The following HTR1F variants were observed in gnomAD, a reference collection of about 807,000 sequenced individuals.
The protein encoded by HTR1F is 5-hydroxytryptamine (serotonin) receptor 1F, G protein-coupled.
Under a neutral mutation model 24.0 loss-of-function variants are expected in HTR1F, and 17 were observed. The observed-to-expected ratio is 0.71, with a 90% CI of 0.48 to 1.06. The LOEUF is 1.06. HTR1F is among the 50% of genes least tolerant of loss of function. The pLI is 0.00. For synonymous variants in HTR1F, 186 were observed against 156.8 expected, an observed-to-expected ratio of 1.19 and a Z score of -1.39; for missense variants, 391 against 427.8, an observed-to-expected ratio of 0.91 and a Z score of 0.76.
intron 2 of HTR1F, among the ~76,000 whole-genome samples, chr3:87,942,165 C>A (rs565984646): frequency 8.1e-4 from 124 of 152,210 alleles, no homozygotes; most frequent in African/African-American, 2.8e-3. Flanking sequence ...TGTATTATGG[C>A]CCCTGCTTTT....
chr3:87,959,627 G>A (rs1384602420), intron 2 of HTR1F, among the ~76,000 whole-genome samples: 2 of 151,860 alleles, frequency 1.3e-5, no homozygotes, highest in African/African-American at 4.8e-5. Context: ...ATATCAGAGA[G>A]ACAAATATGA....
At chr3:87,794,194 C>A (rs1302467691) in intron 1 of HTR1F, among the ~76,000 whole-genome samples, 1 of 152,132 alleles carries the variant, frequency 6.6e-6, no homozygotes, top group Non-Finnish European at 1.5e-5. Context: ...CACGCAGAAG[C>A]AAACCCGAGG....
intron 2 of HTR1F, among the ~76,000 whole-genome samples, chr3:87,944,067 T>C (rs1576070586): frequency 6.6e-6 from 1 of 152,154 alleles, no homozygotes; most frequent in Non-Finnish European, 1.5e-5. Flanking sequence ...CTTATCAGAT[T>C]AGTTATGCTC....
At chr3:87,852,708 AT>A (rs1204698685) in intron 2 of HTR1F, among the ~76,000 whole-genome samples, 1 of 151,764 alleles carries the variant, frequency 6.6e-6, no homozygotes, top group African/African-American at 2.4e-5. Context: ...TGTTTTTAAT[AT>A]GGGCTATTTG....
chr3:87,812,576 T>A (rs1004496463), intron 1 of HTR1F, among the ~76,000 whole-genome samples: 1 of 152,208 alleles, frequency 6.6e-6, no homozygotes, highest in Admixed American at 6.5e-5. Flanking sequence ...TTTCTGAGAA[T>A]AATTTCAACC....
rs752244710 is a variant in HTR1F, at chr3:87,839,744, G to T, written c.-43+17620G>T. Among the ~76,000 whole-genome samples, 81 of 152,086 alleles carry T rather than the reference G, an allele frequency of 5.3e-4. 1 individual carries two copies. The highest frequency in any genetic ancestry group is 3.4e-3 in the Middle Eastern group (1 of 294). On this transcript the variant is annotated intron_variant, in intron 2 of 2. Coordinates refer to ENST00000319595, the MANE Select transcript of HTR1F (RefSeq NM_001322209.2). ...CAGGTAGTTAGCATAGTAACCAATA[G>T]GTAGTTTTTTTCAACTCTCCCCCAT...
chr3:87,888,455 C>G (rs545952226), intron 2 of HTR1F, among the ~76,000 whole-genome samples: 1 of 151,692 alleles, frequency 6.6e-6, no homozygotes, highest in East Asian at 1.9e-4. Flanking sequence ...TACCCTAGAA[C>G]TTAAAGTATA....
At chr3:87,980,831 G>A (rs551406814) in intron 2 of HTR1F, among the ~76,000 whole-genome samples, 12 of 152,312 alleles carry the variant, frequency 7.9e-5, no homozygotes, top group Middle Eastern at 3.4e-3. Flanking sequence ...ACTCGGGCTC[G>A]GCTTCAACTT....
rs191093250 is a variant in HTR1F, at chr3:87,991,556, G to A, written c.807G>A (p.Arg269=). Residue 269 remains arginine (R), a synonymous_variant, in exon 3 of 3, where the codon AGG becomes AGA. Coordinates refer to ENST00000319595, the MANE Select transcript of HTR1F (RefSeq NM_001322209.2). ...TTCATAGCACAGTGAGAAGTCTCAGGTCTGAATTCAAGCATGAGAAATCTT... is the reference window on the plus strand; with the variant it reads ...TTCATAGCACAGTGAGAAGTCTCAGATCTGAATTCAAGCATGAGAAATCTT... The part of the protein sequence containing the change: ...DKIHSTVRSL[R]SEFKHEKSWR... 6.2e-7 allele frequency: 1 copy of A among 1,614,058 alleles called. No individual in the cohort carries two copies. The highest frequency in any genetic ancestry group is 2.2e-5 in the East Asian group (1 of 44,870).
intron 2 of HTR1F, among the ~76,000 whole-genome samples, chr3:87,907,094 T>C (rs1348846755): frequency 1.3e-5 from 2 of 152,090 alleles, no homozygotes; most frequent in Non-Finnish European, 2.9e-5. Flanking sequence ...TACTTTTGGC[T>C]CTTTAAGGAA....
At position 87,934,491 on chromosome 3, in the gene HTR1F, T is replaced by C. The variant is rs150752423; in HGVS notation, c.-42-56217T>C. Among the ~76,000 whole-genome samples, 24 of 152,310 alleles carry C rather than the reference T, an allele frequency of 1.6e-4. No individual in the cohort carries two copies. In the South Asian group the frequency reaches 2.3e-3, roughly 14 times the overall value. On this transcript the variant is annotated intron_variant, in intron 2 of 2. Coordinates refer to ENST00000319595, the MANE Select transcript of HTR1F (RefSeq NM_001322209.2). ...TCCCTGATATCAAGGCAAAATCTAA[T>C]GACTGGCTAGTGCAGTCATGAAACC...
At position 87,991,238 on chromosome 3, in the gene HTR1F, C is replaced by T. The variant is rs1348747365; in HGVS notation, c.489C>T (p.His163=). 4 of 1,613,934 alleles carry T rather than the reference C, an allele frequency of 2.5e-6. No homozygotes were observed. The highest frequency in any genetic ancestry group is 3.4e-6 in the Non-Finnish European group (4 of 1,179,892). Residue 163 remains histidine, a synonymous_variant, in exon 3 of 3, where the codon CAC becomes CAT. Coordinates refer to ENST00000319595, the MANE Select transcript of HTR1F (RefSeq NM_001322209.2). ...FISMPPLFWR[H]QGTSRDDECI... ...CTATGCCTCCTCTATTCTGGAGGCA[C>T]CAAGGAACTAGCAGAGATGATGAAT... is the stretch of plus-strand genomic sequence containing the variant.
intron 2 of HTR1F, among the ~76,000 whole-genome samples, chr3:87,885,434 T>G (rs1705914046): frequency 6.6e-6 from 1 of 152,000 alleles, no homozygotes; most frequent in South Asian, 2.1e-4. Context: ...TTAAAAGAAC[T>G]AGAGAAGCAA....
intron 2 of HTR1F, among the ~76,000 whole-genome samples, chr3:87,911,890 A>G (rs1703785775): frequency 1.3e-5 from 2 of 152,148 alleles, no homozygotes; most frequent in Non-Finnish European, 2.9e-5. Flanking sequence ...AAAACCCTCA[A>G]TAAACTGGGT....
intron 2 of HTR1F, among the ~76,000 whole-genome samples, chr3:87,879,200 T>C (rs558828685): frequency 1.4e-4 from 22 of 152,336 alleles, no homozygotes; most frequent in African/African-American, 5.1e-4. Flanking sequence ...GGAATCATGT[T>C]GTATAGCATT....
intron 2 of HTR1F, among the ~76,000 whole-genome samples, chr3:87,979,167 T>A (rs1463559595): frequency 7.2e-6 from 1 of 138,788 alleles, no homozygotes; most frequent in African/African-American, 2.7e-5. Flanking sequence ...ACTGAGGGTC[T>A]TAGTGCTACA....
chr3:87,896,180 G>A (rs1706195451), intron 2 of HTR1F, among the ~76,000 whole-genome samples: 1 of 152,064 alleles, frequency 6.6e-6, no homozygotes, highest in Non-Finnish European at 1.5e-5. Flanking sequence ...CTATTTACCA[G>A]CCAATCAATC....
At chr3:87,956,167 A>C (rs1283955041) in intron 2 of HTR1F, among the ~76,000 whole-genome samples, 1 of 151,148 alleles carries the variant, frequency 6.6e-6, no homozygotes, top group Admixed American at 6.6e-5. Flanking sequence ...TGTATGTTTT[A>C]TTGTTTTGAC....
chr3:87,843,359 G>C (rs1704850884), intron 2 of HTR1F, among the ~76,000 whole-genome samples: 1 of 151,678 alleles, frequency 6.6e-6, no homozygotes, highest in Non-Finnish European at 1.5e-5. Flanking sequence ...TATTAAATGT[G>C]AGCAGTGTTC....
Sources: gnomAD v4.1 joint callset for allele counts (sites outside exome capture counted in the v4.1 genomes callset) on GRCh38, gnomAD v4.1.1 for gene constraint, MANE v1.5 for transcripts, NCBI Gene and HGNC (gene_info 2026-07-23, HGNC 2026-07-21) for gene names.